The following COL3A1 variants were observed in gnomAD, a reference collection of about 807,000 sequenced individuals.
COL3A1 encodes collagen type III alpha 1 chain, also known as collagen alpha-1(III) chain.
Under a neutral mutation model 200.9 loss-of-function variants are expected in COL3A1, and 46 were observed. That is an observed-to-expected ratio of 0.23 (90% CI 0.18 to 0.29). The LOEUF (loss-of-function observed/expected upper bound fraction) is 0.29, where lower values mean the gene tolerates loss of function less well. Among genes scored for constraint, COL3A1 ranks in the 10% least tolerant of loss-of-function variants. The pLI is 1.00. For synonymous variants in COL3A1, 650 were observed against 628.0 expected (o/e 1.03, Z -0.52); for missense variants, 1,367 against 1,917.6 (o/e 0.71, Z 5.36).
Position 189,002,945 on chromosome 2 carries a change from T to C in COL3A1, c.2446-10T>C, listed in dbSNP as rs1060500195. On this transcript the variant is annotated splice_polypyrimidine_tract_variant and intron_variant, in intron 35 of 50. Coordinates refer to ENST00000304636, the MANE Select transcript of COL3A1 (RefSeq NM_000090.4). ...GTCAGCTGAGAGATTGCTGTTGTTG[T>C]TGCATGTAGGGACAGAATGGTGAAC... is the stretch of plus-strand genomic sequence containing the variant. 2.1e-5 allele frequency: 33 copies of C among 1,541,800 alleles called. No homozygotes were observed. Among genetic ancestry groups the C allele is most frequent in the Middle Eastern group, 3.3e-4 (2 of 5,990 alleles).
At chr2:188,989,703 A>G (rs1688145650) in intron 8 of COL3A1, among the ~76,000 whole-genome samples, 1 of 152,134 alleles carries the variant, frequency 6.6e-6, no homozygotes, top group South Asian at 2.1e-4. Flanking sequence ...TCCATTGAAT[A>G]TATTATTTAA....
chr2:189,004,043 C>G lies in COL3A1; in HGVS notation c.2723C>G (p.Ala908Gly), dbSNP rs144036995. The part of the protein sequence containing the change: ...SPGKDGPPGP[A>G]GNTGAPGSPG... ...GGCAAGGATGGGCCCCCAGGTCCTGCGGGTAACACTGGTGCTCCTGGCAGC... is the reference window on the plus strand; with the variant it reads ...GGCAAGGATGGGCCCCCAGGTCCTGGGGGTAACACTGGTGCTCCTGGCAGC... Residue 908 changes from alanine to glycine, a missense_variant, in exon 39 of 51, where the codon GCG becomes GGG. Coordinates refer to ENST00000304636, the MANE Select transcript of COL3A1 (RefSeq NM_000090.4). The G allele has an allele frequency of 4.4e-5, 71 of 1,612,970 alleles. 1 individual carries two copies. The South Asian group carries it at 7.7e-4, about 17-fold the overall frequency.
intron 16 of COL3A1, 148 bp downstream of exon 16, chr2:188,993,607 TG>T: frequency 1.4e-6 from 1 of 715,990 alleles, no homozygotes; most frequent in East Asian, 2.7e-5. Context: ...TGCTCTAAAA[TG>T]ATCCTCCTGT....
intron 9 of COL3A1, 66 bp downstream of exon 9, chr2:188,990,215 A>G (rs1473583645): frequency 8.8e-6 from 14 of 1,587,008 alleles, no homozygotes; most frequent in Non-Finnish European, 1.1e-5. Flanking sequence ...ATGTAATTCA[A>G]TGGAATTAAA....
rs1576475107 is a variant in COL3A1 at position 189,011,892 on chromosome 2, TG to T, written c.*119del. ...AAATTCCAGTTATTTATTTCCAAAA[TG>T]TTTGGAAACAGTATAATTTGACAAA... On this transcript the variant is annotated 3_prime_UTR_variant, in exon 51 of 51. Transcript: ENST00000304636. The T allele has an allele frequency of 8.6e-7, 1 of 1,162,646 alleles. No homozygotes were observed. Among genetic ancestry groups the T allele is most frequent in the Non-Finnish European group, 1.3e-6 (1 of 791,622 alleles). The allele number at this position is 1,162,646 out of a possible 1,614,324, so 72.0% of individuals were successfully genotyped here.
chr2:189,001,440 C>T lies in COL3A1; in HGVS notation c.2327C>T (p.Pro776Leu). Reference protein sequence around the residue: ...PIGPPGPAGQPGDKGEGGAPG... With the variant: ...PIGPPGPAGQLGDKGEGGAPG... ...GGTCCTCCTGGCCCAGCTGGCCAGC[C>T]TGGAGATAAGGTAACCCTTAATACT... The change falls in exon 33 of 51, where the codon CCT becomes CTT. Residue 776 changes from proline to leucine, a missense_variant. By Grantham distance (98) the Pro-to-Leu change is moderately conservative. Transcript: ENST00000304636. 1 of 1,614,056 alleles carries T rather than the reference C, an allele frequency of 6.2e-7. No individual in the cohort carries two copies. The highest frequency in any genetic ancestry group is 8.5e-7 in the Non-Finnish European group (1 of 1,179,928).
At position 188,993,590 on chromosome 2, in the gene COL3A1, T is replaced by C. The variant is rs564404676; in HGVS notation, c.1149+131T>C. The C allele has an allele frequency of 5.0e-6, 4 of 792,120 alleles. No individual in the cohort carries two copies. The African/African-American group carries it at 6.8e-5, about 14-fold the overall frequency. The allele number at this position is 792,120 out of a possible 1,614,324, so 49.1% of individuals were successfully genotyped here. On this transcript the variant is annotated intron_variant, in intron 16 of 50. Coordinates refer to ENST00000304636, the MANE Select transcript of COL3A1 (RefSeq NM_000090.4). Reference sequence around the variant, plus strand: ...GTGAAAATTACTTTGAAAAAATTGTTGCTTAGTGCTCTAAAATGATCCTCC... The same window carrying C: ...GTGAAAATTACTTTGAAAAAATTGTCGCTTAGTGCTCTAAAATGATCCTCC...
At position 188,994,906 on chromosome 2, in the gene COL3A1, C is replaced by T; in HGVS notation, c.1455+75C>T. 1 of 1,573,052 alleles carries T rather than the reference C, an allele frequency of 6.4e-7. No individual in the cohort carries two copies. Among genetic ancestry groups the T allele is most frequent in the Non-Finnish European group, 8.7e-7 (1 of 1,143,620 alleles). On this transcript the variant is annotated intron_variant, in intron 20 of 50. Transcript: ENST00000304636. The surrounding 1 kb of genome is among the most constrained non-coding windows in gnomAD (Gnocchi z 4.5). ...AAATAAAACTACCTTCAGGGTGAGA[C>T]AGCCAATTTTTCTTAAGTTGAGTGT...
Position 189,008,113 on chromosome 2 carries a change from C to T in COL3A1, c.3496C>T (p.Arg1166Ter), listed in dbSNP as rs587779646. 6.2e-7 allele frequency: 1 copy of T among 1,613,592 alleles called. No homozygotes were observed. The highest frequency in any genetic ancestry group is 8.5e-7 in the Non-Finnish European group (1 of 1,179,766). Reference protein sequence around the residue: ...HPGPIGPPGPRGNRGERGSEG... With the variant: ...HPGPIGPPGP ...AGGTCCCATTGGACCACCAGGGCCT[C>T]GAGGTAACAGAGGTGAAAGAGGATC... Residue 1166 changes from arginine (R) to a stop codon, truncating the protein, a stop_gained, in exon 47 of 51, where the codon CGA becomes TGA. Coordinates refer to ENST00000304636, the MANE Select transcript of COL3A1 (RefSeq NM_000090.4). LOFTEE classifies it high-confidence loss of function.
chr2:188,989,029 CAT>C (rs1688121908), intron 7 of COL3A1, among the ~76,000 whole-genome samples: 5 of 151,322 alleles, frequency 3.3e-5, no homozygotes, highest in Admixed American at 2.6e-4. Context: ...TAGAAATAAA[CAT>C]AATCTTAGAG....
chr2:188,975,169 T>G (rs1360047630), intron 1 of COL3A1, among the ~76,000 whole-genome samples: 1 of 152,224 alleles, frequency 6.6e-6, no homozygotes, highest in Non-Finnish European at 1.5e-5. Context: ...TCAAGAATGA[T>G]TGATTAATTC....
At position 189,010,641 on chromosome 2, in the gene COL3A1, A is replaced by G. The variant is rs1261575106; in HGVS notation, c.4012-7A>G. The stretch of plus-strand genomic sequence containing the variant: ...GTTTGATCTGTTTTATTTGTTCCCT[A>G]TTACAGTTTAGCTACGGCAATCCTG... On this transcript the variant is annotated splice_polypyrimidine_tract_variant and splice_region_variant and intron_variant, in intron 49 of 50. Coordinates refer to ENST00000304636, the MANE Select transcript of COL3A1 (RefSeq NM_000090.4). 6 of 1,613,978 alleles carry G rather than the reference A, an allele frequency of 3.7e-6. No individual in the cohort carries two copies. Among genetic ancestry groups the G allele is most frequent in the Non-Finnish European group, 5.1e-6 (6 of 1,179,972 alleles).
Position 188,994,818 on chromosome 2 carries a change from C to A in COL3A1, c.1442C>A (p.Ala481Asp). The change falls in exon 20 of 51, where the codon GCT becomes GAT. Residue 481 changes from alanine (A) to aspartate (D), a missense_variant. Physicochemically the swap from Ala to Asp is moderately radical, Grantham distance 126 (BLOSUM62 -2). This residue lies in a region of COL3A1 where 462 missense variants were observed against 681.4 expected (regional missense o/e 0.68). Transcript: ENST00000304636. The surrounding 1 kb of genome is among the most constrained non-coding windows in gnomAD (Gnocchi z 4.5). ...GEPGANGLPG[A>D]AGERGAPGFR... ...CCTGGTGCAAATGGGCTTCCAGGAG[C>A]TGCAGGAGAAAGGGTACGTTTTCCA... 1 of 1,613,342 alleles carries A rather than the reference C, an allele frequency of 6.2e-7. No homozygotes were observed. Among genetic ancestry groups the A allele is most frequent in the Non-Finnish European group, 8.5e-7 (1 of 1,179,928 alleles).
intron 29 of COL3A1, 92 bp from the exon 30 acceptor site, chr2:188,999,193 C>A: frequency 8.7e-7 from 1 of 1,149,474 alleles, no homozygotes; most frequent in Non-Finnish European, 1.3e-6. Context: ...AATATAATAA[C>A]CTAGTGGCCT....
chr2:188,993,504 C>A, intron 16 of COL3A1, 45 bp downstream of exon 16: 1 of 1,412,820 alleles, frequency 7.1e-7, no homozygotes, highest in Non-Finnish European at 9.7e-7. Flanking sequence ...TTCATGCTTA[C>A]TCCATGAAAG....
intron 1 of COL3A1, among the ~76,000 whole-genome samples, chr2:188,984,214 A>G (rs41265563): frequency 0.041 from 6,302 of 152,120 alleles, 176 homozygotes; most frequent in Non-Finnish European, 0.067. Context: ...TAACAGTGAC[A>G]TTCAATACAC....
rs139864494 is a variant in COL3A1 at position 188,996,804 on chromosome 2, C to T, written c.1761+308C>T. On this transcript the variant is annotated intron_variant, in intron 24 of 50. Coordinates refer to ENST00000304636, the MANE Select transcript of COL3A1 (RefSeq NM_000090.4). ...AGGAGTTCTAGGCCAGCCTTGCCAA[C>T]ATGGTGAAACCCTGTCTCCACTAAA... 4.1e-3 allele frequency among the ~76,000 whole-genome samples: 624 copies of T among 152,194 alleles called. 4 individuals carry two copies. Among genetic ancestry groups the T allele is most frequent in the African/African-American group, 0.014 (581 of 41,538 alleles).
chr2:189,005,993 C>A (rs1347396332), intron 41 of COL3A1, among the ~76,000 whole-genome samples: 1 of 151,902 alleles, frequency 6.6e-6, no homozygotes, highest in East Asian at 1.9e-4. Context: ...TATCATTTTT[C>A]TAATCACCTC....
Position 189,008,990 on chromosome 2 carries a change from G to A in COL3A1, c.3592G>A (p.Gly1198Ser), listed in dbSNP as rs1254502705. Residue 1198 changes from glycine to serine, a missense_variant, in exon 48 of 51, where the codon GGT (glycine) becomes AGT (serine). Transcript: ENST00000304636. ...GPPGAPGPCC[G>S]GVGAAAIAGI... ...TCCTGGTGCCCCTGGTCCTTGCTGTGGTGGTGTTGGAGCCGCTGCCATTGC... is the reference window on the plus strand; with the variant it reads ...TCCTGGTGCCCCTGGTCCTTGCTGTAGTGGTGTTGGAGCCGCTGCCATTGC... 6.2e-7 allele frequency: 1 copy of A among 1,614,152 alleles called. No individual in the cohort carries two copies. The highest frequency in any genetic ancestry group is 2.2e-5 in the East Asian group (1 of 44,872).
Sources: allele counts gnomAD v4.1 joint callset (sites outside exome capture counted in the v4.1 genomes callset), GRCh38; gene constraint gnomAD v4.1.1; regional missense constraint gnomAD v4.1.1; non-coding constraint Gnocchi (gnomAD v3.1); transcripts MANE v1.5; gene names NCBI Gene and HGNC (gene_info 2026-07-23, HGNC 2026-07-21).